Variants in LRRTM4 observed in about 807,000 individuals in gnomAD.
LRRTM4 encodes the protein leucine-rich repeat transmembrane neuronal protein 4.
LRRTM4 carries 25 observed loss-of-function variants against 47.6 expected under a neutral mutation model. That is an observed-to-expected ratio of 0.53 (90% CI 0.38 to 0.73). The LOEUF is 0.73. Among genes scored for constraint, LRRTM4 ranks in the 30% least tolerant of loss-of-function variants. The pLI, the probability that LRRTM4 is intolerant of heterozygous loss-of-function variation, is 0.00. For synonymous variants in LRRTM4, 311 were observed against 269.5 expected, an observed-to-expected ratio of 1.15 and a Z score of -1.51; for missense variants, 638 against 713.4, an observed-to-expected ratio of 0.89 and a Z score of 1.20.
At chr2:77,428,871 A>T (rs1417796849) in intron 3 of LRRTM4, among the ~76,000 whole-genome samples, 2 of 152,166 alleles carry the variant, frequency 1.3e-5, no homozygotes, top group Admixed American at 1.3e-4. Context: ...ATGTCCCAAG[A>T]CTCTGGTGTA....
chr2:77,377,895 C>T lies in LRRTM4; in HGVS notation c.1551+140423G>A, dbSNP rs112249489. The stretch of plus-strand genomic sequence containing the variant: ...AAACACATTATTTTGTCTTTTCACA[C>T]TGAATTTCTTAAAAAAATCAACCTA... On this transcript the variant is annotated intron_variant, in intron 3 of 3. Transcript: ENST00000409884. Among the ~76,000 whole-genome samples, 190 of 152,056 alleles carry T rather than the reference C, an allele frequency of 1.2e-3. 1 individual carries two copies. Among genetic ancestry groups the T allele is most frequent in the African/African-American group, 4.4e-3 (181 of 41,550 alleles).
chr2:76,932,540 T>C (rs916280105), intron 3 of LRRTM4, among the ~76,000 whole-genome samples: 1 of 152,150 alleles, frequency 6.6e-6, no homozygotes, highest in East Asian at 1.9e-4. Context: ...GCCCTTAGTC[T>C]GTATCAAGTT....
Position 76,805,685 on chromosome 2 carries a change from T to C in LRRTM4, c.1552-56769A>G, listed in dbSNP as rs140736907. ...GCTAAACCAGAGTTGAGATTTAAGATACTAATGACGCATACCATGTATGAA... is the reference window on the plus strand; with the variant it reads ...GCTAAACCAGAGTTGAGATTTAAGACACTAATGACGCATACCATGTATGAA... On this transcript the variant is annotated intron_variant, in intron 3 of 3. Transcript: ENST00000409884. Among the ~76,000 whole-genome samples the C allele has an allele frequency of 2.6e-3, 393 of 152,310 alleles. 2 individuals carry two copies. Among genetic ancestry groups the C allele is most frequent in the African/African-American group, 9.1e-3 (377 of 41,578 alleles).
chr2:76,784,795 A>ATTT (rs1455751283), intron 3 of LRRTM4, among the ~76,000 whole-genome samples: 1 of 117,696 alleles, frequency 8.5e-6, no homozygotes, highest in African/African-American at 2.6e-5. Context: ...ATGGTTTTTT[A>ATTT]TTTATTTGTT....
At chr2:77,094,392 A>G (rs1670749395) in intron 3 of LRRTM4, among the ~76,000 whole-genome samples, 1 of 152,166 alleles carries the variant, frequency 6.6e-6, no homozygotes, top group Admixed American at 6.5e-5. Context: ...ATTTCTATCA[A>G]AATTCTAGTA....
At chr2:76,912,776 G>C (rs1293783645) in intron 3 of LRRTM4, among the ~76,000 whole-genome samples, 1 of 152,116 alleles carries the variant, frequency 6.6e-6, no homozygotes, top group Non-Finnish European at 1.5e-5. Flanking sequence ...GTTATTGTGA[G>C]ATCTGGTGAT....
rs75023900 is a variant in LRRTM4 at position 77,499,237 on chromosome 2, C to T, written c.1551+19081G>A. Among the ~76,000 whole-genome samples the T allele has an allele frequency of 5.8e-4, 88 of 151,990 alleles. No individual in the cohort carries two copies. In the East Asian group the frequency reaches 0.016, roughly 28 times the overall value. On this transcript the variant is annotated intron_variant, in intron 3 of 3. Coordinates refer to ENST00000409884, the MANE Select transcript of LRRTM4 (RefSeq NM_001134745.3). Reference sequence around the variant, plus strand: ...CAATGCTCAGGACAGATCTCAGCCCCCACCAATTACCTGGTCCGAAATGTC... The same window carrying T: ...CAATGCTCAGGACAGATCTCAGCCCTCACCAATTACCTGGTCCGAAATGTC...
At chr2:77,340,752 A>G (rs768951964) in intron 3 of LRRTM4, among the ~76,000 whole-genome samples, 1 of 151,908 alleles carries the variant, frequency 6.6e-6, no homozygotes, top group South Asian at 2.1e-4. Flanking sequence ...ATAACTCATG[A>G]TTTCAATATT....
At chr2:77,492,345 G>A (rs941073387) in intron 3 of LRRTM4, among the ~76,000 whole-genome samples, 14 of 152,008 alleles carry the variant, frequency 9.2e-5, no homozygotes, top group African/African-American at 2.4e-4. Flanking sequence ...CTGTCACCTC[G>A]AACTCCTGAG....
chr2:76,958,218 A>T (rs1344337871), intron 3 of LRRTM4, among the ~76,000 whole-genome samples: 1 of 151,810 alleles, frequency 6.6e-6, no homozygotes, highest in African/African-American at 2.4e-5. Context: ...ATGTCATCAT[A>T]ATAATGCCAA....
chr2:77,228,928 G>A (rs1362442046), intron 3 of LRRTM4, among the ~76,000 whole-genome samples: 1 of 152,086 alleles, frequency 6.6e-6, no homozygotes, highest in Non-Finnish European at 1.5e-5. Flanking sequence ...ATTAGTAGAT[G>A]TGCTCTTTGA....
chr2:76,904,560 T>C (rs963542999), intron 3 of LRRTM4, among the ~76,000 whole-genome samples: 5 of 152,224 alleles, frequency 3.3e-5, no homozygotes, highest in Non-Finnish European at 7.3e-5. Flanking sequence ...TCAGTGTTAA[T>C]CTAAATCTTA....
intron 3 of LRRTM4, among the ~76,000 whole-genome samples, chr2:77,309,709 A>AGAT (rs1491554272): frequency 6.6e-6 from 1 of 151,940 alleles, no homozygotes; most frequent in Non-Finnish European, 1.5e-5. Flanking sequence ...ATAGATAGAT[A>AGAT]GATAGATAGA....
At chr2:76,889,098 TACTTC>T (rs1673171125) in intron 3 of LRRTM4, among the ~76,000 whole-genome samples, 1 of 147,010 alleles carries the variant, frequency 6.8e-6, no homozygotes, top group Non-Finnish European at 1.5e-5. Flanking sequence ...TGAAATATAC[TACTTC>T]ATTTCATTTA....
chr2:77,515,414 A>T (rs749630012), intron 3 of LRRTM4, among the ~76,000 whole-genome samples: 1 of 151,850 alleles, frequency 6.6e-6, no homozygotes, highest in Non-Finnish European at 1.5e-5. Context: ...AAAAGAAACA[A>T]GCAAAATGGA....
intron 3 of LRRTM4, among the ~76,000 whole-genome samples, chr2:77,215,297 G>T (rs1674405085): frequency 6.6e-6 from 1 of 152,146 alleles, no homozygotes; most frequent in Non-Finnish European, 1.5e-5. Context: ...CAGGGTAAAA[G>T]CAAGTCACAC....
chr2:77,260,647 GC>G (rs1675896024), intron 3 of LRRTM4, among the ~76,000 whole-genome samples: 1 of 152,014 alleles, frequency 6.6e-6, no homozygotes, highest in Admixed American at 6.6e-5. Flanking sequence ...GCATGCAACA[GC>G]TAATTCAACT....
intron 3 of LRRTM4, among the ~76,000 whole-genome samples, chr2:77,204,931 G>T (rs1181414147): frequency 2.6e-5 from 4 of 152,154 alleles, no homozygotes; most frequent in Admixed American, 1.3e-4. Context: ...CAGAAAAGGG[G>T]TGATAATTTT....
intron 3 of LRRTM4, among the ~76,000 whole-genome samples, chr2:77,239,177 G>T (rs1473996663): frequency 6.6e-6 from 1 of 151,776 alleles, no homozygotes; most frequent in Non-Finnish European, 1.5e-5. Flanking sequence ...AGATATGGTA[G>T]GTTTATTGTG....
Sources: gnomAD v4.1 joint callset for allele counts (sites outside exome capture counted in the v4.1 genomes callset) on GRCh38, gnomAD v4.1.1 for gene constraint, MANE v1.5 for transcripts, NCBI Gene and HGNC (gene_info 2026-07-23, HGNC 2026-07-21) for gene names.